SOX6: variants seen among roughly 807,000 people sequenced by gnomAD.
SOX6 encodes the protein transcription factor SOX-6.
SOX6 carries 11 observed loss-of-function variants against 97.8 expected under a neutral mutation model. The observed-to-expected ratio is 0.11, with a 90% CI of 0.07 to 0.19. The LOEUF is 0.19. Ranked by LOEUF, SOX6 falls within the 10% of genes least tolerant of loss-of-function variation. The pLI is 1.00. For missense variants in SOX6, 810 were observed against 1,039.5 expected (o/e 0.78, Z 3.04); for synonymous variants, 360 against 371.4 (o/e 0.97, Z 0.35).
intron 1 of SOX6, among the ~76,000 whole-genome samples, chr11:16,403,484 T>C (rs140145026): frequency 4.3e-4 from 65 of 151,886 alleles, no homozygotes; most frequent in African/African-American, 1.4e-3. Flanking sequence ...ATTGTCTGGA[T>C]AAAAAGTCCT....
rs1852689008 is a variant in SOX6, at chr11:16,226,331, G to T, written c.535+8251C>A. ...ACATAATTGTGTTTTTTTTGTTTTTGTTTTTGTTTTTTTTTTCTCTCTTAT... is the reference window on the plus strand; with the variant it reads ...ACATAATTGTGTTTTTTTTGTTTTTTTTTTTGTTTTTTTTTTCTCTCTTAT... On this transcript the variant is annotated intron_variant, in intron 4 of 15. Transcript: ENST00000683767. 9.7e-5 allele frequency among the ~76,000 whole-genome samples: 5 copies of T among 51,728 alleles called. No individual in the cohort carries two copies. In the Admixed American group the frequency reaches 9.7e-4, roughly 10 times the overall value. The allele number at this position is 51,728 out of a possible 152,430, so 33.9% of individuals were successfully genotyped here.
At chr11:16,489,227 A>G (rs1325319008) in intron 4 of SOX6, among the ~76,000 whole-genome samples, 1 of 152,180 alleles carries the variant, frequency 6.6e-6, no homozygotes, top group Non-Finnish European at 1.5e-5. Context: ...AAGCAAAAAA[A>G]AGTATGCAGT....
intron 3 of SOX6, chr11:16,311,958 A>T (rs1012787143): frequency 6.6e-6 from 1 of 152,190 alleles, no homozygotes; most frequent in African/African-American, 2.4e-5. Flanking sequence ...ACACATAAAC[A>T]CATGCTCATT....
chr11:16,497,519 G>A (rs891218245), intron 4 of SOX6, among the ~76,000 whole-genome samples: 15 of 152,026 alleles, frequency 9.9e-5, no homozygotes, highest in African/African-American at 2.2e-4. Context: ...AAACTACTCC[G>A]AGATAAAGGA....
At chr11:16,544,162 G>A (rs571087532) in intron 4 of SOX6, among the ~76,000 whole-genome samples, 1 of 152,274 alleles carries the variant, frequency 6.6e-6, no homozygotes, top group East Asian at 1.9e-4. Context: ...ATCTAGAATA[G>A]GTAAATCCAT....
chr11:16,572,534 A>G (rs754271211), intron 4 of SOX6, among the ~76,000 whole-genome samples: 8 of 152,230 alleles, frequency 5.3e-5, no homozygotes, highest in Non-Finnish European at 8.8e-5. Flanking sequence ...TTAATGTTAA[A>G]GTCAGCTGTA....
intron 5 of SOX6, among the ~76,000 whole-genome samples, chr11:16,186,385 T>C (rs1303209553): frequency 6.6e-6 from 1 of 152,170 alleles, no homozygotes; most frequent in Non-Finnish European, 1.5e-5. Flanking sequence ...ACCAATGAGC[T>C]AAAAGATTCC....
intron 3 of SOX6, among the ~76,000 whole-genome samples, chr11:16,621,011 A>C (rs2133988683): frequency 6.6e-6 from 1 of 152,322 alleles, no homozygotes; most frequent in African/African-American, 2.4e-5. Context: ...CAAAATGTGA[A>C]CTTTCTCATT....
At chr11:16,718,879 C>T (rs752106005) in intron 2 of SOX6, among the ~76,000 whole-genome samples, 1 of 151,026 alleles carries the variant, frequency 6.6e-6, no homozygotes. Flanking sequence ...TGCCTGTAAT[C>T]CCAGCACTTT....
Position 16,463,250 on chromosome 11 carries a change from T to A in SOX6, c.-5+13065A>T, listed in dbSNP as rs567487805. 2.6e-3 allele frequency among the ~76,000 whole-genome samples: 396 copies of A among 152,332 alleles called. 1 individual carries two copies. The highest frequency in any genetic ancestry group is 2.6e-3 in the Non-Finnish European group (180 of 68,032). On this transcript the variant is annotated intron_variant, in intron 1 of 15. Coordinates refer to the SOX6 transcript ENST00000396356. Reference sequence around the variant, plus strand: ...TCATTCCTTCCTTGTCTTTATATATTTTTTGTTCATTTACTCATTCTTTCA... The same window carrying A: ...TCATTCCTTCCTTGTCTTTATATATATTTTGTTCATTTACTCATTCTTTCA...
At chr11:16,223,049 A>T (rs11023880) in intron 4 of SOX6, among the ~76,000 whole-genome samples, 5,274 of 152,226 alleles carry the variant, frequency 0.035, 231 homozygotes, top group East Asian at 0.22. Flanking sequence ...AACGTCTGTT[A>T]ACAGTTTACT....
At chr11:15,999,072 T>C (rs898094190) in intron 13 of SOX6, among the ~76,000 whole-genome samples, 11 of 152,212 alleles carry the variant, frequency 7.2e-5, no homozygotes, top group Non-Finnish European at 1.6e-4. Flanking sequence ...AAAAATCTAA[T>C]TTTAAAATGG....
At chr11:16,428,241 AG>A (rs1859193308) in intron 1 of SOX6, among the ~76,000 whole-genome samples, 1 of 151,742 alleles carries the variant, frequency 6.6e-6, no homozygotes. Flanking sequence ...TTGTCAGATG[AG>A]TAGGTTGCAA....
At chr11:16,206,404 T>G (rs1205995808) in intron 4 of SOX6, among the ~76,000 whole-genome samples, 2 of 152,210 alleles carry the variant, frequency 1.3e-5, no homozygotes, top group African/African-American at 2.4e-5. Context: ...CAGTTTCATA[T>G]GTAAATTTAG....
At chr11:16,124,450 CA>C (rs1262202536) in intron 6 of SOX6, among the ~76,000 whole-genome samples, 1 of 151,894 alleles carries the variant, frequency 6.6e-6, no homozygotes, top group African/African-American at 2.4e-5. Context: ...GAATGAAAGG[CA>C]GAAAGTTGGA....
At chr11:16,346,574 C>A (rs1460989203) in intron 1 of SOX6, among the ~76,000 whole-genome samples, 1 of 152,096 alleles carries the variant, frequency 6.6e-6, no homozygotes, top group Non-Finnish European at 1.5e-5. Flanking sequence ...CTCCAAACTT[C>A]CCTCTGCTTC....
At chr11:16,176,843 C>T (rs1851200633) in intron 6 of SOX6, among the ~76,000 whole-genome samples, 2 of 151,892 alleles carry the variant, frequency 1.3e-5, no homozygotes, top group Admixed American at 1.3e-4. Context: ...AACAGTGCTC[C>T]ATCAGGCATC....
chr11:16,588,503 C>T (rs1327097741), intron 4 of SOX6, among the ~76,000 whole-genome samples: 2 of 152,122 alleles, frequency 1.3e-5, no homozygotes, highest in Admixed American at 6.5e-5. Flanking sequence ...TGTCCTTTCC[C>T]AGCTTCTGCT....
chr11:16,523,202 C>T (rs1352592722), intron 4 of SOX6, among the ~76,000 whole-genome samples: 2 of 152,100 alleles, frequency 1.3e-5, no homozygotes, highest in African/African-American at 4.8e-5. Flanking sequence ...CCACACCACA[C>T]CTATTCCAAA....
Sources: gnomAD v4.1 joint callset for allele counts (sites outside exome capture counted in the v4.1 genomes callset) on GRCh38, gnomAD v4.1.1 for gene constraint, MANE v1.5 for transcripts, NCBI Gene and HGNC (gene_info 2026-07-23, HGNC 2026-07-21) for gene names.